BTBD16: variants seen among roughly 807,000 people sequenced by gnomAD.
BTBD16 encodes the protein BTB domain containing 16.
Under a neutral mutation model 67.4 loss-of-function variants are expected in BTBD16, and 66 were observed. The ratio of observed to expected loss-of-function variants is 0.98; its 90% CI spans 0.80 to 1.20. BTBD16 has a LOEUF of 1.20. BTBD16 is among the 50% of genes most tolerant of loss of function. BTBD16 has a pLI of 0.00. For synonymous variants in BTBD16, 242 were observed against 236.4 expected, an observed-to-expected ratio of 1.02 and a Z score of -0.22; for missense variants, 634 against 616.0, an observed-to-expected ratio of 1.03 and a Z score of -0.31.
At chr10:122,314,463 C>T (rs971986346) in intron 10 of BTBD16, among the ~76,000 whole-genome samples, 8 of 151,816 alleles carry the variant, frequency 5.3e-5, no homozygotes, top group African/African-American at 1.2e-4. Context: ...GTGATTGTGC[C>T]GATGCACTCC....
At chr10:122,307,585 C>T (rs1373226693) in intron 10 of BTBD16, among the ~76,000 whole-genome samples, 3 of 151,976 alleles carry the variant, frequency 2.0e-5, no homozygotes, top group Non-Finnish European at 4.4e-5. Flanking sequence ...AGGTACTCCT[C>T]TCTTCAGGAA....
chr10:122,298,997 G>C lies in BTBD16; in HGVS notation c.661-7G>C. ...TTCCTTCATCAACTGGCTTTTTTTT[G>C]TCTTAGTACAAGGAAGAGCAGCTCA... On this transcript the variant is annotated splice_region_variant and splice_polypyrimidine_tract_variant and intron_variant, in intron 8 of 15. Transcript: ENST00000260723. The C allele has an allele frequency of 6.2e-7, 1 of 1,611,656 alleles. No individual in the cohort carries two copies. Among genetic ancestry groups the C allele is most frequent in the Non-Finnish European group, 8.5e-7 (1 of 1,179,478 alleles).
Position 122,327,738 on chromosome 10 carries a change from A to C in BTBD16, c.912-1742A>C, listed in dbSNP as rs2133311631. ...CCTCTGGGACAGGATGGCTGTCCAG[A>C]GAGGCCCTGGCTGAATGGCCTTCGA... On this transcript the variant is annotated intron_variant, in intron 10 of 15. Transcript: ENST00000260723. 1.3e-5 allele frequency among the ~76,000 whole-genome samples: 2 copies of C among 152,334 alleles called. 1 individual carries two copies. The highest frequency in any genetic ancestry group is 4.2e-4 in the South Asian group (2 of 4,818).
At position 122,289,925 on chromosome 10, in the gene BTBD16, G is replaced by T. The variant is rs1421206530; in HGVS notation, c.402G>T (p.Lys134Asn). ...EELLRAQSPK[K>N]TKEKSPAKRI... The stretch of plus-strand genomic sequence containing the variant: ...CTTTACTAGCTCAATCACCTAAGAA[G>T]ACCAAAGAAAAATCCCCTGCAAAGA... The change falls in exon 6 of 16, where the codon AAG becomes AAT. Residue 134 changes from lysine to asparagine, a missense_variant. Physicochemically the swap from Lys to Asn is moderately conservative, Grantham distance 94 (BLOSUM62 0). Transcript: ENST00000260723. The T allele has an allele frequency of 1.2e-6, 2 of 1,613,350 alleles. No homozygotes were observed. The highest frequency in any genetic ancestry group is 1.7e-5 in the Admixed American group (1 of 59,928).
chr10:122,294,030 C>A, intron 7 of BTBD16: 1 of 722,620 alleles, frequency 1.4e-6, no homozygotes, highest in Non-Finnish European at 1.7e-6. Flanking sequence ...GCTAATGAGC[C>A]AAACCTTTCA....
At chr10:122,299,234 C>T in intron 9 of BTBD16, 100 bp downstream of exon 9, 1 of 1,359,304 alleles carries the variant, frequency 7.4e-7, no homozygotes. Flanking sequence ...TGCACCCCCA[C>T]CTTAAGCTTC....
chr10:122,312,952 C>T (rs1183338738), intron 10 of BTBD16, among the ~76,000 whole-genome samples: 1 of 152,220 alleles, frequency 6.6e-6, no homozygotes, highest in African/African-American at 2.4e-5. Flanking sequence ...TCTCAGCTCA[C>T]TGCAAACTCT....
In BTBD16 at chr10:122,289,159, G is replaced by A. The variant is rs944130519; in HGVS notation, c.386-750G>A. 2.0e-5 allele frequency among the ~76,000 whole-genome samples: 3 copies of A among 152,182 alleles called. No individual in the cohort carries two copies. The East Asian group carries it at 5.8e-4, about 29-fold the overall frequency. ...ACCTCAGTCCCATGTTCACCCTGCAGCAGGTGGCACTCCCACTGCCTGCCT... is the reference window on the plus strand; with the variant it reads ...ACCTCAGTCCCATGTTCACCCTGCAACAGGTGGCACTCCCACTGCCTGCCT... On this transcript the variant is annotated intron_variant, in intron 5 of 15. Coordinates refer to ENST00000260723, the MANE Select transcript of BTBD16 (RefSeq NM_144587.5).
chr10:122,328,155 C>T (rs1004717358), intron 10 of BTBD16, among the ~76,000 whole-genome samples: 25 of 152,180 alleles, frequency 1.6e-4, no homozygotes, highest in African/African-American at 5.3e-4. Flanking sequence ...AGGCTCAGAT[C>T]ATCTGAGGAA....
chr10:122,273,219 A>AATATATATAT (rs2096332765), intron 1 of BTBD16, among the ~76,000 whole-genome samples: 1 of 66,758 alleles, frequency 1.5e-5, no homozygotes, highest in African/African-American at 8.6e-5. Context: ...CAGCAACACA[A>AATATATATAT]AGATATATAT....
chr10:122,284,352 C>T (rs10887120), intron 4 of BTBD16, among the ~76,000 whole-genome samples: 70 of 151,742 alleles, frequency 4.6e-4, no homozygotes, highest in African/African-American at 1.5e-3. Context: ...AGGAGGCTGA[C>T]GCAGGAGAAT....
chr10:122,280,359 C>T (rs1386360760), intron 3 of BTBD16, among the ~76,000 whole-genome samples: 1 of 152,060 alleles, frequency 6.6e-6, no homozygotes, highest in Non-Finnish European at 1.5e-5. Context: ...AGGTGTGTCT[C>T]AGGCCAGACT....
chr10:122,278,254 G>A (rs542900202), intron 3 of BTBD16, among the ~76,000 whole-genome samples: 2 of 152,152 alleles, frequency 1.3e-5, no homozygotes, highest in Non-Finnish European at 2.9e-5. Flanking sequence ...GGGGTGGGGT[G>A]TTGAAATGGC....
chr10:122,302,010 G>A (rs977748048), intron 9 of BTBD16, among the ~76,000 whole-genome samples: 2 of 152,174 alleles, frequency 1.3e-5, no homozygotes, highest in African/African-American at 4.8e-5. Flanking sequence ...GGGATGTGTG[G>A]AAATGCAGAC....
intron 7 of BTBD16, among the ~76,000 whole-genome samples, chr10:122,292,505 T>G (rs565167353): frequency 6.6e-6 from 1 of 152,376 alleles, no homozygotes; most frequent in Non-Finnish European, 1.5e-5. Context: ...CCTCTAACAC[T>G]GTACTATTCC....
chr10:122,299,173 G>A (rs1183711441), intron 9 of BTBD16, 39 bp downstream of exon 9: 3 of 1,607,580 alleles, frequency 1.9e-6, no homozygotes, highest in Non-Finnish European at 1.7e-6. Flanking sequence ...CTGAGAGGGG[G>A]ATGGGAGAAA....
chr10:122,287,345 A>G, intron 5 of BTBD16: 4 of 807,366 alleles, frequency 5.0e-6, no homozygotes, highest in Non-Finnish European at 6.0e-6. Context: ...AAGCAGGAGA[A>G]TTTGGAAGTG....
intron 7 of BTBD16, 143 bp downstream of exon 7, chr10:122,291,337 G>C: frequency 1.8e-6 from 2 of 1,088,448 alleles, no homozygotes; most frequent in Non-Finnish European, 2.5e-6. Context: ...CTTGAGCCTG[G>C]AAAGGAACTG....
intron 10 of BTBD16, among the ~76,000 whole-genome samples, chr10:122,325,956 G>A (rs999788438): frequency 3.3e-5 from 5 of 151,916 alleles, no homozygotes; most frequent in Admixed American, 6.5e-5. Flanking sequence ...GATTACAGGC[G>A]TGAGCCACTG....
Sources: gnomAD v4.1 joint callset for allele counts (sites outside exome capture counted in the v4.1 genomes callset) on GRCh38, gnomAD v4.1.1 for gene constraint, MANE v1.5 for transcripts, NCBI Gene and HGNC (gene_info 2026-07-23, HGNC 2026-07-21) for gene names.